Variants in SUFU observed in about 807,000 individuals in gnomAD.
SUFU encodes SUFU negative regulator of hedgehog signaling, also known as suppressor of fused homolog.
Under a neutral mutation model 58.9 loss-of-function variants are expected in SUFU, and 7 were observed. The observed-to-expected ratio is 0.12, with a 90% CI of 0.07 to 0.22. The LOEUF (loss-of-function observed/expected upper bound fraction) is 0.22. SUFU is among the 10% of genes least tolerant of loss of function. The pLI, the probability that SUFU is intolerant of heterozygous loss-of-function variation, is 1.00. For synonymous variants in SUFU, 232 were observed against 254.8 expected (o/e 0.91, Z 0.85); for missense variants, 451 against 641.3 (o/e 0.70, Z 3.20).
intron 3 of SUFU, among the ~76,000 whole-genome samples, chr10:102,569,711 A>G (rs887954535): frequency 1.3e-5 from 2 of 152,170 alleles, no homozygotes; most frequent in Admixed American, 6.5e-5. Flanking sequence ...TTCTTTATAC[A>G]GATACTCAGA....
chr10:102,628,517 C>T lies in SUFU; in HGVS notation c.1365+1274C>T, dbSNP rs2063807358. Among the ~76,000 whole-genome samples the T allele has an allele frequency of 6.6e-6, 1 of 152,194 alleles. No homozygotes were observed. Among genetic ancestry groups the T allele is most frequent in the Admixed American group, 6.5e-5 (1 of 15,276 alleles). ...CTGCCCAGAAGCGCTTCCGGAGAGG[C>T]CTTGTCGCACTGGGATGGCGCTGTG... is the stretch of plus-strand genomic sequence containing the variant. On this transcript the variant is annotated intron_variant, in intron 11 of 11. Coordinates refer to ENST00000369902, the MANE Select transcript of SUFU (RefSeq NM_016169.4). The surrounding 1 kb of genome is among the most constrained non-coding windows in gnomAD (Gnocchi z 4.5).
intron 3 of SUFU, among the ~76,000 whole-genome samples, chr10:102,560,532 G>T (rs950824739): frequency 6.6e-6 from 1 of 152,088 alleles, no homozygotes; most frequent in African/African-American, 2.4e-5. Flanking sequence ...CTGGGAGCAC[G>T]CCACTGCACT....
chr10:102,550,666 G>T (rs1037561937), intron 3 of SUFU, among the ~76,000 whole-genome samples: 2 of 151,934 alleles, frequency 1.3e-5, no homozygotes, highest in East Asian at 3.9e-4. Flanking sequence ...ATCTTTGAGG[G>T]TGATGTTCCT....
intron 2 of SUFU, among the ~76,000 whole-genome samples, chr10:102,515,287 TTCC>T (rs2062453356): frequency 6.6e-6 from 1 of 152,102 alleles, no homozygotes; most frequent in Non-Finnish European, 1.5e-5. Context: ...ATGCTAATTT[TTCC>T]TCCTCAAAGC....
At chr10:102,553,055 G>A (rs982295111) in intron 3 of SUFU, among the ~76,000 whole-genome samples, 1 of 152,162 alleles carries the variant, frequency 6.6e-6, no homozygotes, top group Non-Finnish European at 1.5e-5. Flanking sequence ...GTTTGTGTCT[G>A]CAGATCACTT....
intron 2 of SUFU, among the ~76,000 whole-genome samples, chr10:102,548,137 G>A (rs1376379945): frequency 6.6e-6 from 1 of 152,162 alleles, no homozygotes; most frequent in Non-Finnish European, 1.5e-5. Flanking sequence ...CTGAGTAACA[G>A]AGCGAGACCC....
intron 8 of SUFU, among the ~76,000 whole-genome samples, chr10:102,602,305 C>CT (rs1473422802): frequency 6.6e-6 from 1 of 152,178 alleles, no homozygotes; most frequent in Admixed American, 6.5e-5. Flanking sequence ...TGTAATCTTC[C>CT]TTACCCCATT....
chr10:102,603,568 C>T (rs1160259219), intron 8 of SUFU, among the ~76,000 whole-genome samples: 1 of 152,186 alleles, frequency 6.6e-6, no homozygotes, highest in East Asian at 1.9e-4. Flanking sequence ...AGCGAACTCA[C>T]CATCACTGCT....
intron 2 of SUFU, among the ~76,000 whole-genome samples, chr10:102,542,439 T>G (rs866083651): frequency 2.0e-5 from 3 of 146,928 alleles, no homozygotes; most frequent in South Asian, 4.2e-4. Context: ...CCTATATATA[T>G]ATATATTTTT....
Position 102,504,080 on chromosome 10 carries a change from C to A in SUFU, c.-73C>A, listed in dbSNP as rs1420511352. 2 of 1,482,246 alleles carry A rather than the reference C, an allele frequency of 1.3e-6. No homozygotes were observed. The highest frequency in any genetic ancestry group is 2.8e-5 in the African/African-American group (2 of 71,314). 91.8% of individuals were successfully genotyped at this position (1,482,246 alleles called of 1,614,324 possible). A position where few individuals can be genotyped will look rare whatever the true frequency, so the allele number is the denominator to read the frequency against. ...CGGGGAGTCTCACCCACCGAGTCCG[C>A]CCGCTGGCCCGTCAGTGCTCTCCCC... is the stretch of plus-strand genomic sequence containing the variant. On this transcript the variant is annotated 5_prime_UTR_variant, in exon 1 of 12. Transcript: ENST00000369902.
At chr10:102,528,047 C>G (rs756558442) in intron 2 of SUFU, among the ~76,000 whole-genome samples, 2 of 152,120 alleles carry the variant, frequency 1.3e-5, no homozygotes, top group African/African-American at 2.4e-5. Flanking sequence ...GTGGGAGCTA[C>G]CATATTGATG....
At chr10:102,544,742 A>T (rs1014506572) in intron 2 of SUFU, among the ~76,000 whole-genome samples, 2 of 152,134 alleles carry the variant, frequency 1.3e-5, no homozygotes, top group Non-Finnish European at 2.9e-5. Context: ...TCCCAAAAAG[A>T]AATTCTGTAC....
intron 8 of SUFU, among the ~76,000 whole-genome samples, chr10:102,602,454 T>A (rs1248136148): frequency 1.3e-5 from 2 of 152,190 alleles, no homozygotes; most frequent in Non-Finnish European, 2.9e-5. Flanking sequence ...AGCCTCATAT[T>A]AGAAGCTTAT....
At chr10:102,563,037 G>A (rs2063054410) in intron 3 of SUFU, among the ~76,000 whole-genome samples, 1 of 152,186 alleles carries the variant, frequency 6.6e-6, no homozygotes, top group Admixed American at 6.5e-5. Context: ...GATGGGCCCT[G>A]GAGAACTTCC....
chr10:102,544,681 G>A (rs1034716114), intron 2 of SUFU, among the ~76,000 whole-genome samples: 1 of 152,018 alleles, frequency 6.6e-6, no homozygotes, highest in Admixed American at 6.6e-5. Flanking sequence ...CCTGGGCAAC[G>A]GAGTGAGACT....
At chr10:102,599,149 A>T (rs578223816) in intron 7 of SUFU, among the ~76,000 whole-genome samples, 14 of 152,258 alleles carry the variant, frequency 9.2e-5, no homozygotes, top group African/African-American at 3.1e-4. Context: ...CGGGCCTGTG[A>T]CACAGGAAAG....
intron 2 of SUFU, among the ~76,000 whole-genome samples, chr10:102,518,509 C>CT (rs1401310207): frequency 2.6e-5 from 2 of 78,358 alleles, no homozygotes; most frequent in African/African-American, 8.6e-5. Context: ...ATCTAACTGT[C>CT]TGTCTGTCTG....
intron 2 of SUFU, among the ~76,000 whole-genome samples, chr10:102,541,492 G>C (rs948951161): frequency 2.7e-5 from 4 of 150,692 alleles, no homozygotes; most frequent in African/African-American, 9.8e-5. Flanking sequence ...TCTGCCTTCT[G>C]GGTTCAAGCG....
chr10:102,595,641 G>A (rs1183195293), intron 6 of SUFU, among the ~76,000 whole-genome samples: 2 of 152,134 alleles, frequency 1.3e-5, no homozygotes, highest in African/African-American at 4.8e-5. Context: ...CACAGGACCC[G>A]GAGCACCTAG....
Sources: gnomAD v4.1 joint callset for allele counts (sites outside exome capture counted in the v4.1 genomes callset) on GRCh38, gnomAD v4.1.1 for gene constraint, Gnocchi (gnomAD v3.1) non-coding constraint, MANE v1.5 for transcripts, NCBI Gene and HGNC (gene_info 2026-07-23, HGNC 2026-07-21) for gene names.